Variants in CD28 observed in about 807,000 individuals in gnomAD.
CD28 encodes CD28 molecule, also known as T-cell-specific surface glycoprotein CD28.
In CD28, 8 loss-of-function variants were observed where a neutral mutation model predicts 21.4. That is an observed-to-expected ratio of 0.37 (90% CI 0.22 to 0.68). The LOEUF (loss-of-function observed/expected upper bound fraction) is 0.68, where lower values mean the gene tolerates loss of function less well. Among genes scored for constraint, CD28 ranks in the 30% least tolerant of loss-of-function variants. The pLI is 0.55. For missense variants in CD28, 239 were observed against 272.2 expected, an observed-to-expected ratio of 0.88 and a Z score of 0.86; for synonymous variants, 106 against 104.0, an observed-to-expected ratio of 1.02 and a Z score of -0.12.
chr2:203,718,712 A>G (rs1693528802), intron 1 of CD28, among the ~76,000 whole-genome samples: 1 of 152,174 alleles, frequency 6.6e-6, no homozygotes, highest in African/African-American at 2.4e-5. Context: ...TTAGCTTCCC[A>G]GTACGTTTTA....
intron 1 of CD28, 100 bp downstream of exon 1, chr2:203,706,848 T>G: frequency 1.1e-6 from 1 of 936,242 alleles, no homozygotes; most frequent in Non-Finnish European, 1.7e-6. Context: ...AATTTGAACA[T>G]TTGAAGTGTA....
In CD28 at chr2:203,709,040, T is replaced by A. The variant is rs116244638; in HGVS notation, c.52+2292T>A. ...GTGAGGCTTAGGCAGGAGAATTGCT[T>A]AAACCCGGGACGCGGAGGTTGCTGT... On this transcript the variant is annotated intron_variant, in intron 1 of 3. Transcript: ENST00000324106. Among the ~76,000 whole-genome samples the A allele has an allele frequency of 9.9e-3, 1,509 of 151,682 alleles. 26 individuals carry two copies. Among genetic ancestry groups the A allele is most frequent in the African/African-American group, 0.035 (1,456 of 41,324 alleles).
At position 203,734,809 on chromosome 2, in the gene CD28, T is replaced by C. The variant is rs139881881; in HGVS notation, c.560T>C (p.Leu187Pro). Residue 187 changes from leucine to proline, a missense_variant, in exon 4 of 4, where the codon CTG (leucine) becomes CCG (proline). Leu to Pro is a moderately conservative substitution (Grantham distance 98, BLOSUM62 -3). Transcript: ENST00000324106. ...FWVRSKRSRL[L>P]HSDYMNMTPR... Reference sequence around the variant, plus strand: ...GTGAGGAGTAAGAGGAGCAGGCTCCTGCACAGTGACTACATGAACATGACT... The same window carrying C: ...GTGAGGAGTAAGAGGAGCAGGCTCCCGCACAGTGACTACATGAACATGACT... 1.2e-6 allele frequency: 2 copies of C among 1,614,212 alleles called. No homozygotes were observed. Among genetic ancestry groups the C allele is most frequent in the Non-Finnish European group, 1.7e-6 (2 of 1,180,032 alleles).
In CD28 at chr2:203,735,020, G is replaced by T. The variant is rs1693995135; in HGVS notation, c.*108G>T. ...CTCCAGCCGGCCACCTCAGGCCCCT[G>T]TTGGGCCACCAATGCCAATTTTTCT... is the stretch of plus-strand genomic sequence containing the variant. On this transcript the variant is annotated 3_prime_UTR_variant, in exon 4 of 4. Transcript: ENST00000324106. 1.4e-6 allele frequency: 2 copies of T among 1,392,988 alleles called. No homozygotes were observed. The highest frequency in any genetic ancestry group is 1.4e-5 in the African/African-American group (1 of 69,192). 86.3% of individuals were successfully genotyped at this position (1,392,988 alleles called of 1,614,324 possible).
chr2:203,735,079 A>C lies in CD28; in HGVS notation c.*167A>C, dbSNP rs1248789482. 9 of 721,528 alleles carry C rather than the reference A, an allele frequency of 1.2e-5. No homozygotes were observed. In the Admixed American group the frequency reaches 2.7e-4, roughly 22 times the overall value. 44.7% of individuals were successfully genotyped at this position (721,528 alleles called of 1,614,324 possible). On this transcript the variant is annotated 3_prime_UTR_variant, in exon 4 of 4. Coordinates refer to ENST00000324106, the MANE Select transcript of CD28 (RefSeq NM_006139.4). ...TAGACCAAATATCAAGATCATTTTG[A>C]GACTCTGAAATGAAGTAAAAGAGAT...
chr2:203,708,698 C>G (rs1693227001), intron 1 of CD28, among the ~76,000 whole-genome samples: 1 of 152,196 alleles, frequency 6.6e-6, no homozygotes, highest in African/African-American at 2.4e-5. Context: ...TGCCAATTCA[C>G]TTTTCTAGTA....
chr2:203,724,675 C>A (rs1693691974), intron 1 of CD28, among the ~76,000 whole-genome samples: 1 of 152,152 alleles, frequency 6.6e-6, no homozygotes, highest in African/African-American at 2.4e-5. Context: ...TGTGAGCCAT[C>A]ATCCCCAGCC....
chr2:203,730,793 G>A lies in CD28; in HGVS notation c.534+1021G>A, dbSNP rs1693869988. Among the ~76,000 whole-genome samples, 4 of 152,204 alleles carry A rather than the reference G, an allele frequency of 2.6e-5. No individual in the cohort carries two copies. The South Asian group carries it at 8.3e-4, about 31-fold the overall frequency. On this transcript the variant is annotated intron_variant, in intron 3 of 3. Coordinates refer to ENST00000324106, the MANE Select transcript of CD28 (RefSeq NM_006139.4). ...AAGGATTTAAATGAGTCTGCCTGAA[G>A]TATGATACTCATCTTTAAGGCATAA...
rs201423059 is a variant in CD28, at chr2:203,734,960, C to T, written c.*48C>T. On this transcript the variant is annotated 3_prime_UTR_variant, in exon 4 of 4. Transcript: ENST00000324106. ...AGCCGGCTGGCAGCCCCCATCTGCT[C>T]AATATCACTGCTCTGGATAGGAAAT... 91 of 1,600,994 alleles carry T rather than the reference C, an allele frequency of 5.7e-5. No homozygotes were observed. The highest frequency in any genetic ancestry group is 1.7e-4 in the Middle Eastern group (1 of 5,948).
At position 203,738,193 on chromosome 2, in the gene CD28, A is replaced by G. The variant is rs1343157796; in HGVS notation, c.*3281A>G. 2.6e-5 allele frequency: 4 copies of G among 152,134 alleles called. No individual in the cohort carries two copies. The highest frequency in any genetic ancestry group is 5.9e-5 in the Non-Finnish European group (4 of 68,046). The allele number at this position is 152,134 out of a possible 1,614,324, so 9.4% of individuals were successfully genotyped here. ...GAGATCCAACTTCAGCCTTGACCCC[A>G]TCAGTCCCTCGGGTTAACTAACTGA... is the stretch of plus-strand genomic sequence containing the variant. On this transcript the variant is annotated 3_prime_UTR_variant, in exon 4 of 4. Coordinates refer to ENST00000324106, the MANE Select transcript of CD28 (RefSeq NM_006139.4).
chr2:203,716,397 T>TAGGAA (rs1693463625), intron 1 of CD28, among the ~76,000 whole-genome samples: 1 of 152,354 alleles, frequency 6.6e-6, no homozygotes, highest in Non-Finnish European at 1.5e-5. Flanking sequence ...ATTGTGTACC[T>TAGGAA]GCCTTCGGAT....
rs1694027758 is a variant in CD28 at position 203,736,127 on chromosome 2, T to C, written c.*1215T>C. Reference sequence around the variant, plus strand: ...CAGGTAGGAGCTTTCCTGTTTCATATGTTTCAGGGTTGCACAGTTGGTCTC... The same window carrying C: ...CAGGTAGGAGCTTTCCTGTTTCATACGTTTCAGGGTTGCACAGTTGGTCTC... On this transcript the variant is annotated 3_prime_UTR_variant, in exon 4 of 4. Coordinates refer to ENST00000324106, the MANE Select transcript of CD28 (RefSeq NM_006139.4). 6.5e-6 allele frequency: 1 copy of C among 152,688 alleles called. No individual in the cohort carries two copies. The highest frequency in any genetic ancestry group is 1.5e-5 in the Non-Finnish European group (1 of 68,082). 9.5% of individuals were successfully genotyped at this position (152,688 alleles called of 1,614,324 possible).
At chr2:203,732,131 G>A (rs1693911487) in intron 3 of CD28, among the ~76,000 whole-genome samples, 1 of 152,166 alleles carries the variant, frequency 6.6e-6, no homozygotes, top group South Asian at 2.1e-4. Context: ...GTAATTTTCT[G>A]AGATCCTATT....
In CD28 at chr2:203,726,996, T is replaced by TACA; in HGVS notation, c.409+10_409+12dup. ...ACCATTATCCATGTGAAAGGTAACA[T>TACA]ACAACTTTACCAGTGTACCACCCTA... On this transcript the variant is annotated splice_region_variant and intron_variant, in intron 2 of 3. Coordinates refer to ENST00000324106, the MANE Select transcript of CD28 (RefSeq NM_006139.4). 6.6e-7 allele frequency: 1 copy of TACA among 1,512,144 alleles called. No homozygotes were observed. Among genetic ancestry groups the TACA allele is most frequent in the Non-Finnish European group, 9.2e-7 (1 of 1,088,530 alleles). 93.7% of individuals were successfully genotyped at this position (1,512,144 alleles called of 1,614,324 possible).
At chr2:203,723,956 A>G (rs1277603343) in intron 1 of CD28, among the ~76,000 whole-genome samples, 2 of 152,262 alleles carry the variant, frequency 1.3e-5, no homozygotes, top group Non-Finnish European at 1.5e-5. Flanking sequence ...TCATAGTAGC[A>G]TTATTCATAA....
chr2:203,707,334 A>T (rs3181102), intron 1 of CD28, among the ~76,000 whole-genome samples: 52,458 of 151,826 alleles, frequency 0.35, 9,241 homozygotes, highest in South Asian at 0.6. Flanking sequence ...AGTTTCCTTA[A>T]CTGTAAAGTG....
chr2:203,722,808 G>T (rs1233313600), intron 1 of CD28, among the ~76,000 whole-genome samples: 2 of 152,236 alleles, frequency 1.3e-5, no homozygotes, highest in Non-Finnish European at 2.9e-5. Context: ...ACAAGGCATG[G>T]AGGTAGGAAT....
At chr2:203,706,573 C>A (rs200559188), upstream of CD28, 20 of 1,584,262 alleles carry the variant, frequency 1.3e-5, no homozygotes, top group Middle Eastern at 3.3e-4. Flanking sequence ...GGGATGGTGG[C>A]GGTGGTGGTG....
At chr2:203,714,907 T>C (rs1693425299) in intron 1 of CD28, among the ~76,000 whole-genome samples, 1 of 152,224 alleles carries the variant, frequency 6.6e-6, no homozygotes, top group Non-Finnish European at 1.5e-5. Flanking sequence ...TGCTATCTCC[T>C]GTTTTCCTAT....
Sources: gnomAD v4.1 joint callset for allele counts (sites outside exome capture counted in the v4.1 genomes callset) on GRCh38, gnomAD v4.1.1 for gene constraint, MANE v1.5 for transcripts, NCBI Gene and HGNC (gene_info 2026-07-23, HGNC 2026-07-21) for gene names.